MTURN: variants seen among roughly 807,000 people sequenced by gnomAD.
MTURN encodes maturin.
In MTURN, 7 loss-of-function variants were observed where a neutral mutation model predicts 14.9. The observed-to-expected ratio is 0.47, with a 90% CI of 0.27 to 0.88. The LOEUF (loss-of-function observed/expected upper bound fraction) is 0.88, where lower values mean the gene tolerates loss of function less well. Among genes scored for constraint, MTURN ranks in the 40% least tolerant of loss-of-function variants. The probability of loss-of-function intolerance (pLI) is 0.14; values close to 1 mark genes in which losing one functional copy is unlikely to be tolerated. For synonymous variants in MTURN, 69 were observed against 72.5 expected (o/e 0.95, Z 0.25); for missense variants, 151 against 174.1 (o/e 0.87, Z 0.75).
At chr7:30,139,106 G>A (rs1263985349) in intron 1 of MTURN, among the ~76,000 whole-genome samples, 1 of 152,094 alleles carries the variant, frequency 6.6e-6, no homozygotes, top group Non-Finnish European at 1.5e-5. Flanking sequence ...ACTGTGTTCT[G>A]GCATTTGGAG....
chr7:30,154,565 C>T (rs1797257501), intron 2 of MTURN, among the ~76,000 whole-genome samples: 1 of 152,204 alleles, frequency 6.6e-6, no homozygotes. Flanking sequence ...CATAGTTACT[C>T]TGTGAGATAG....
intron 1 of MTURN, among the ~76,000 whole-genome samples, chr7:30,142,254 G>A (rs771205759): frequency 1.1e-4 from 17 of 152,150 alleles, no homozygotes; most frequent in Admixed American, 2.0e-4. Flanking sequence ...AAGAAGGGTC[G>A]CAGATGGCCT....
rs1030423308 is a variant in MTURN at position 30,161,576 on chromosome 7, T to G, written c.*4028T>G. 6.6e-6 allele frequency: 1 copy of G among 152,086 alleles called. No individual in the cohort carries two copies. Among genetic ancestry groups the G allele is most frequent in the African/African-American group, 2.4e-5 (1 of 41,394 alleles). 9.4% of individuals were successfully genotyped at this position (152,086 alleles called of 1,614,324 possible). On this transcript the variant is annotated 3_prime_UTR_variant, in exon 3 of 3. Coordinates refer to ENST00000324453, the MANE Select transcript of MTURN (RefSeq NM_152793.3). ...CCGGCAGGTAAATCACAAAGCAAAC[T>G]TGGGTGTCCTTGGCAGCGGGGAGGA...
chr7:30,155,376 C>CT (rs1423264876), intron 2 of MTURN, among the ~76,000 whole-genome samples: 7 of 152,208 alleles, frequency 4.6e-5, no homozygotes, highest in Non-Finnish European at 1.0e-4. Context: ...TTTTACCTTG[C>CT]TATGTCATCG....
chr7:30,155,987 G>T (rs1797281421), intron 2 of MTURN, among the ~76,000 whole-genome samples: 1 of 152,184 alleles, frequency 6.6e-6, no homozygotes, highest in African/African-American at 2.4e-5. Flanking sequence ...CAGTGAAGGT[G>T]CTTGAAATTG....
Position 30,160,638 on chromosome 7 carries a change from A to G in MTURN, c.*3090A>G, listed in dbSNP as rs1361921942. 1 of 152,298 alleles carries G rather than the reference A, an allele frequency of 6.6e-6. No homozygotes were observed. The highest frequency in any genetic ancestry group is 2.4e-5 in the African/African-American group (1 of 41,460). The allele number at this position is 152,298 out of a possible 1,614,324, so 9.4% of individuals were successfully genotyped here. ...AGGAATGCTTGATTGCTTGTTGTTC[A>G]CTGGGCCAGCTCTGAAATCCAAAAT... is the stretch of plus-strand genomic sequence containing the variant. On this transcript the variant is annotated 3_prime_UTR_variant, in exon 3 of 3. Coordinates refer to ENST00000324453, the MANE Select transcript of MTURN (RefSeq NM_152793.3).
chr7:30,145,913 C>T lies in MTURN; in HGVS notation c.163-264C>T, dbSNP rs890470986. The T allele has an allele frequency of 3.9e-6, 6 of 1,551,620 alleles. No individual in the cohort carries two copies. In the African/African-American group the frequency reaches 6.8e-5, roughly 18 times the overall value. On this transcript the variant is annotated intron_variant, in intron 1 of 2. Transcript: ENST00000324453. ...TGGTGAGGAATGGCCACCCACTGCC[C>T]TCTTTACTGTGTAGGAGCAGATCTG...
intron 2 of MTURN, among the ~76,000 whole-genome samples, chr7:30,154,362 G>A (rs188931003): frequency 3.9e-4 from 59 of 152,246 alleles, no homozygotes; most frequent in Admixed American, 2.9e-3. Flanking sequence ...CCCCTATAAC[G>A]ACCCATGTTC....
chr7:30,150,305 T>C (rs1443702814), intron 2 of MTURN, among the ~76,000 whole-genome samples: 1 of 152,178 alleles, frequency 6.6e-6, no homozygotes, highest in Non-Finnish European at 1.5e-5. Context: ...CCTTAGATTA[T>C]TGGTGGAGAG....
intron 2 of MTURN, among the ~76,000 whole-genome samples, chr7:30,150,202 G>C (rs934004720): frequency 1.3e-5 from 2 of 152,188 alleles, no homozygotes; most frequent in Non-Finnish European, 2.9e-5. Flanking sequence ...GTTATCCACG[G>C]TAGGCACTAA....
At chr7:30,139,538 ATATTAT>A (rs1797017099) in intron 1 of MTURN, among the ~76,000 whole-genome samples, 1 of 152,098 alleles carries the variant, frequency 6.6e-6, no homozygotes, top group Non-Finnish European at 1.5e-5. Context: ...ATTGAGGTAG[ATATTAT>A]TATTCCCACT....
chr7:30,145,276 T>G (rs1797112776), intron 1 of MTURN, among the ~76,000 whole-genome samples: 1 of 152,280 alleles, frequency 6.6e-6, no homozygotes, highest in African/African-American at 2.4e-5. Flanking sequence ...TTTGGGAGGC[T>G]GAGGCAGGTG....
intron 2 of MTURN, among the ~76,000 whole-genome samples, chr7:30,153,821 G>A (rs553324958): frequency 2.0e-5 from 3 of 152,226 alleles, no homozygotes; most frequent in East Asian, 1.9e-4. Flanking sequence ...TGGTTCAAGC[G>A]ATTCTCTCAC....
chr7:30,138,229 C>T (rs118171459), intron 1 of MTURN, among the ~76,000 whole-genome samples: 4,777 of 152,176 alleles, frequency 0.031, 116 homozygotes, highest in Admixed American at 0.064. Context: ...GATTCTTGTG[C>T]GTCAGCCTCT....
At chr7:30,142,446 C>T (rs1011237225) in intron 1 of MTURN, among the ~76,000 whole-genome samples, 3 of 152,188 alleles carry the variant, frequency 2.0e-5, no homozygotes, top group African/African-American at 7.2e-5. Context: ...CCACCCACAA[C>T]CCCCTTCAAA....
intron 2 of MTURN, among the ~76,000 whole-genome samples, chr7:30,156,937 T>C (rs538611184): frequency 2.4e-4 from 37 of 152,368 alleles, no homozygotes; most frequent in Admixed American, 1.2e-3. Flanking sequence ...TGAGTGGATA[T>C]ATAAGATTCC....
intron 1 of MTURN, among the ~76,000 whole-genome samples, chr7:30,144,627 C>T (rs1185087841): frequency 5.9e-5 from 9 of 152,150 alleles, no homozygotes; most frequent in Non-Finnish European, 7.3e-5. Flanking sequence ...ATGAGAGCAA[C>T]GTGTGTCGAA....
chr7:30,145,833 T>G, intron 1 of MTURN: 1 of 1,537,444 alleles, frequency 6.5e-7, no homozygotes, highest in African/African-American at 1.4e-5. Context: ...TGGTTTCTCC[T>G]TCCCCATGTC....
At chr7:30,135,777 C>G (rs182387547) in intron 1 of MTURN, among the ~76,000 whole-genome samples, 64 of 152,350 alleles carry the variant, frequency 4.2e-4, no homozygotes, top group African/African-American at 1.5e-3. Context: ...CCGCTCCCCT[C>G]CGGTGCCCAG....
Sources: gnomAD v4.1 joint callset for allele counts (sites outside exome capture counted in the v4.1 genomes callset) on GRCh38, gnomAD v4.1.1 for gene constraint, MANE v1.5 for transcripts, NCBI Gene and HGNC (gene_info 2026-07-23, HGNC 2026-07-21) for gene names.